Variants in CCSER1 observed in about 807,000 individuals in gnomAD.
CCSER1 encodes serine-rich coiled-coil domain-containing protein 1.
Under a neutral mutation model 82.0 loss-of-function variants are expected in CCSER1, and 41 were observed. The ratio of observed to expected loss-of-function variants is 0.50; its 90% CI spans 0.39 to 0.65. CCSER1 has a LOEUF of 0.65. Among genes scored for constraint, CCSER1 ranks in the 30% least tolerant of loss-of-function variants. The pLI, the probability that CCSER1 is intolerant of heterozygous loss-of-function variation, is 0.00. For synonymous variants in CCSER1, 414 were observed against 383.9 expected (o/e 1.08, Z -0.92); for missense variants, 1,119 against 1,064.2 (o/e 1.05, Z -0.72).
intron 10 of CCSER1, among the ~76,000 whole-genome samples, chr4:91,341,826 C>T (rs888445585): frequency 2.0e-5 from 3 of 152,154 alleles, no homozygotes; most frequent in Non-Finnish European, 2.9e-5. Flanking sequence ...CATGAACCAC[C>T]GCACTTGGCC....
At chr4:90,531,251 CCT>C (rs1342095691) in intron 5 of CCSER1, among the ~76,000 whole-genome samples, 1 of 151,772 alleles carries the variant, frequency 6.6e-6, no homozygotes, top group Admixed American at 6.6e-5. Flanking sequence ...CTCTTTTCTC[CCT>C]GTATAAACAC....
intron 10 of CCSER1, among the ~76,000 whole-genome samples, chr4:91,424,450 A>G (rs568712037): frequency 3.3e-5 from 5 of 152,124 alleles, no homozygotes; most frequent in African/African-American, 7.2e-5. Context: ...TCTCAGCTCT[A>G]TGGAGTAATT....
chr4:90,908,438 G>T (rs1296545429), intron 8 of CCSER1, among the ~76,000 whole-genome samples: 2 of 152,064 alleles, frequency 1.3e-5, no homozygotes, highest in Non-Finnish European at 1.5e-5. Flanking sequence ...TAAGGCAGGG[G>T]CTGGCTGTAC....
chr4:90,575,047 C>G (rs1780587095), intron 5 of CCSER1, among the ~76,000 whole-genome samples: 1 of 152,162 alleles, frequency 6.6e-6, no homozygotes, highest in Non-Finnish European at 1.5e-5. Flanking sequence ...ATACACCACT[C>G]CCTGGTTCAT....
intron 9 of CCSER1, among the ~76,000 whole-genome samples, chr4:91,076,401 A>G (rs2189189): frequency 0.66 from 99,881 of 151,486 alleles, 33,382 homozygotes; most frequent in East Asian, 0.95. Flanking sequence ...AAGAATCATG[A>G]TGATTCATAC....
chr4:90,486,934 C>T (rs967598901), intron 5 of CCSER1, among the ~76,000 whole-genome samples: 1 of 152,180 alleles, frequency 6.6e-6, no homozygotes, highest in African/African-American at 2.4e-5. Context: ...TATTTTGAGA[C>T]AAAGTCTTGC....
chr4:90,974,614 A>G (rs745404004), intron 9 of CCSER1, among the ~76,000 whole-genome samples: 1 of 151,462 alleles, frequency 6.6e-6, no homozygotes, highest in Non-Finnish European at 1.5e-5. Flanking sequence ...GCATGACAAG[A>G]GTCTCAGCAC....
At chr4:90,714,908 T>A (rs1001192694) in intron 6 of CCSER1, among the ~76,000 whole-genome samples, 1 of 151,960 alleles carries the variant, frequency 6.6e-6, no homozygotes, top group Non-Finnish European at 1.5e-5. Context: ...TATAGTAGAT[T>A]TTTTTGTAAA....
intron 4 of CCSER1, among the ~76,000 whole-genome samples, chr4:90,456,189 A>G (rs1762142966): frequency 6.6e-6 from 1 of 152,186 alleles, no homozygotes; most frequent in African/African-American, 2.4e-5. Flanking sequence ...GCCTGGGGAA[A>G]AAACCTTTTG....
At chr4:90,852,635 A>C (rs939049362) in intron 8 of CCSER1, among the ~76,000 whole-genome samples, 1 of 152,210 alleles carries the variant, frequency 6.6e-6, no homozygotes, top group Non-Finnish European at 1.5e-5. Context: ...GACAAAGCTT[A>C]ACATCATGCT....
chr4:90,527,955 G>A (rs1200740992), intron 5 of CCSER1, among the ~76,000 whole-genome samples: 8 of 152,096 alleles, frequency 5.3e-5, no homozygotes, highest in African/African-American at 1.7e-4. Flanking sequence ...TCTTTTTGCT[G>A]ACAGCATAGG....
At chr4:91,546,960 C>G (rs1357471097) in intron 10 of CCSER1, among the ~76,000 whole-genome samples, 1 of 136,410 alleles carries the variant, frequency 7.3e-6, no homozygotes, top group Non-Finnish European at 1.6e-5. Context: ...TTTTAAATTT[C>G]TCTTGAGTTT....
chr4:90,290,209 A>G (rs1730649102), intron 1 of CCSER1, among the ~76,000 whole-genome samples: 1 of 151,886 alleles, frequency 6.6e-6, no homozygotes, highest in Admixed American at 6.6e-5. Flanking sequence ...CCCATATATT[A>G]TACAGGACCA....
rs199614296 is a variant in CCSER1, at chr4:90,707,537, AAAT to A, written c.1933-16375_1933-16373del. ...TTCTGTCATTTCTACCTTAAAAAAAAAATATATATATATATATATAATATTCAA... is the reference window on the plus strand; with the variant it reads ...TTCTGTCATTTCTACCTTAAAAAAAAATATATATATATATATAATATTCAA... On this transcript the variant is annotated intron_variant, in intron 6 of 10. Coordinates refer to ENST00000509176, the MANE Select transcript of CCSER1 (RefSeq NM_001145065.2). 3.2e-3 allele frequency among the ~76,000 whole-genome samples: 440 copies of A among 138,084 alleles called. 1 individual carries two copies. The highest frequency in any genetic ancestry group is 0.011 in the Middle Eastern group (3 of 282). The allele number at this position is 138,084 out of a possible 152,430, so 90.6% of individuals were successfully genotyped here.
chr4:90,731,625 G>A lies in CCSER1; in HGVS notation c.2010+7634G>A, dbSNP rs140533664. ...AACCATACAATAGGTATATATTTGA[G>A]GAACCAATGTATTTTATAAAAATCA... On this transcript the variant is annotated intron_variant, in intron 7 of 10. Transcript: ENST00000509176. Among the ~76,000 whole-genome samples the A allele has an allele frequency of 6.4e-3, 980 of 152,138 alleles. 12 individuals are homozygous for A. Among genetic ancestry groups the A allele is most frequent in the African/African-American group, 0.023 (940 of 41,518 alleles).
At chr4:90,627,242 A>G (rs1168006384) in intron 5 of CCSER1, among the ~76,000 whole-genome samples, 1 of 152,170 alleles carries the variant, frequency 6.6e-6, no homozygotes, top group Non-Finnish European at 1.5e-5. Flanking sequence ...TAATTTATAA[A>G]TTCAGTTATT....
At chr4:90,233,705 G>C (rs10019966) in intron 1 of CCSER1, among the ~76,000 whole-genome samples, 95,660 of 146,672 alleles carry the variant, frequency 0.65, 33,675 homozygotes, top group African/African-American at 0.91. Flanking sequence ...AGCCTTCGCA[G>C]TGAAGTGGCC....
intron 10 of CCSER1, among the ~76,000 whole-genome samples, chr4:91,286,471 A>G (rs1399181420): frequency 6.6e-6 from 1 of 151,908 alleles, no homozygotes; most frequent in Admixed American, 6.6e-5. Flanking sequence ...ATTTATTCAG[A>G]TACAGTTCTC....
intron 10 of CCSER1, among the ~76,000 whole-genome samples, chr4:91,523,808 T>C (rs1251660735): frequency 6.6e-6 from 1 of 152,178 alleles, no homozygotes; most frequent in African/African-American, 2.4e-5. Context: ...ATTTTGTTCA[T>C]CTTTACAAAA....
Sources: gnomAD v4.1 joint callset for allele counts (sites outside exome capture counted in the v4.1 genomes callset) on GRCh38, gnomAD v4.1.1 for gene constraint, MANE v1.5 for transcripts, NCBI Gene and HGNC (gene_info 2026-07-23, HGNC 2026-07-21) for gene names.